The following RIF1 variants were observed in gnomAD, a reference collection of about 807,000 sequenced individuals.
RIF1 encodes telomere-associated protein RIF1.
In RIF1, 45 loss-of-function variants were observed where a neutral mutation model predicts 247.1. That is an observed-to-expected ratio of 0.18 (90% CI 0.14 to 0.23). The LOEUF (loss-of-function observed/expected upper bound fraction) is 0.23, where lower values mean the gene tolerates loss of function less well. Among genes scored for constraint, RIF1 ranks in the 10% least tolerant of loss-of-function variants. The pLI, the probability that RIF1 is intolerant of heterozygous loss-of-function variation, is 1.00. For missense variants in RIF1, 2,967 were observed against 2,862.5 expected (o/e 1.04, Z -0.83); for synonymous variants, 1,087 against 978.8 (o/e 1.11, Z -2.06).
At chr2:151,493,808 T>C in intron 9 of RIF1, 1 of 1,586,672 alleles carries the variant, frequency 6.3e-7, no homozygotes, top group South Asian at 1.2e-5. Flanking sequence ...GTTTCACTCT[T>C]TCCATCTCAG....
intron 7 of RIF1, 71 bp downstream of exon 7, chr2:151,420,450 G>A (rs2152158980): frequency 6.8e-7 from 1 of 1,462,144 alleles, no homozygotes; most frequent in East Asian, 2.4e-5. Flanking sequence ...TTAAAATTCA[G>A]TCTGGTGGCC....
chr2:151,515,033 CT>C, the RIF1 span: 1 of 690,136 alleles, frequency 1.4e-6, no homozygotes, highest in Non-Finnish European at 2.5e-6. Flanking sequence ...TGTATGGGCT[CT>C]TAATCATAGT....
the RIF1 span, among the ~76,000 whole-genome samples, chr2:151,526,459 A>C: frequency 1.3e-5 from 2 of 152,184 alleles, no homozygotes; most frequent in African/African-American, 4.8e-5. Flanking sequence ...TAACAATCAA[A>C]ATGGATCTCG....
At position 151,409,930 on chromosome 2, in the gene RIF1, C is replaced by T. The variant is rs762398600; in HGVS notation, c.-114C>T. On this transcript the variant is annotated 5_prime_UTR_variant, in exon 1 of 36. Transcript: ENST00000444746. ...CGCCATCTTGGTCTAGGAGGGAGCG[C>T]GCCGCACGCGTGAGTAAACAGCCGG... The T allele has an allele frequency of 3.6e-5, 25 of 700,756 alleles. No homozygotes were observed. The highest frequency in any genetic ancestry group is 1.6e-5 in the Non-Finnish European group (6 of 384,238). The allele number at this position is 700,756 out of a possible 1,614,324, so 43.4% of individuals were successfully genotyped here. A position where few individuals can be genotyped will look rare whatever the true frequency, so the allele number is the denominator to read the frequency against.
At position 151,465,120 on chromosome 2, in the gene RIF1, G is replaced by A; in HGVS notation, c.5600G>A (p.Gly1867Glu). ...ENFKTVGPCLGDSKNVSQESL... is the reference protein window; with the variant it reads ...ENFKTVGPCLEDSKNVSQESL... ...TTTAAAACTGTTGGCCCGTGTTTAG[G>A]AGACTCGAAAAATGTTTCACAGGAA... The change falls in exon 30 of 36, where the codon GGA becomes GAA. Residue 1867 changes from glycine (G) to glutamate (E), a missense_variant. By Grantham distance (98) the Gly-to-Glu change is moderately conservative. This residue lies in a region of RIF1 where 2,028 missense variants were observed against 1,825.6 expected (regional missense o/e 1.11). Coordinates refer to ENST00000444746, the MANE Select transcript of RIF1 (RefSeq NM_018151.5). 6.2e-7 allele frequency: 1 copy of A among 1,612,704 alleles called. No homozygotes were observed. The highest frequency in any genetic ancestry group is 8.5e-7 in the Non-Finnish European group (1 of 1,179,726).
chr2:151,530,639 T>C, the RIF1 span: 1 of 190,740 alleles, frequency 5.2e-6, no homozygotes, highest in Non-Finnish European at 1.1e-5. Flanking sequence ...TGGAGACCCA[T>C]CTGGGGAGAA....
rs1691401576 is a variant in RIF1, at chr2:151,437,266, C to T, written c.1398C>T (p.Ser466=). 1 of 1,613,210 alleles carries T rather than the reference C, an allele frequency of 6.2e-7. No individual in the cohort carries two copies. Among genetic ancestry groups the T allele is most frequent in the Non-Finnish European group, 8.5e-7 (1 of 1,179,198 alleles). ...AGCCATTGGAACATCCGTTAATCAG[C>T]AGCCCTTCCTTTTTTTCCAAACATG... ...SLEPLEHPLI[S]SPSFFSKHAN... The change falls in exon 13 of 36, where the codon AGC becomes AGT. Residue 466 remains serine, a synonymous_variant. Transcript: ENST00000444746.
At chr2:151,527,996 T>A in the RIF1 span, among the ~76,000 whole-genome samples, 1 of 152,216 alleles carries the variant, frequency 6.6e-6, no homozygotes, top group East Asian at 1.9e-4. Flanking sequence ...ACAAAACTAA[T>A]TAAATGAATT....
At chr2:151,444,355 G>C (rs1315086049) in intron 18 of RIF1, among the ~76,000 whole-genome samples, 1 of 152,170 alleles carries the variant, frequency 6.6e-6, no homozygotes, top group Non-Finnish European at 1.5e-5. Flanking sequence ...TGTCACCCAG[G>C]CTAGAGTACA....
the RIF1 span, chr2:151,524,238 G>A: frequency 7.8e-7 from 1 of 1,289,182 alleles, no homozygotes; most frequent in South Asian, 1.2e-5. Context: ...TTTCAATCTG[G>A]AAATCACTTC....
intron 10 of RIF1, among the ~76,000 whole-genome samples, chr2:151,495,702 T>C (rs1377977944): frequency 2.0e-5 from 3 of 151,256 alleles, no homozygotes; most frequent in Admixed American, 6.6e-5. Context: ...CGAAAACTGG[T>C]AAAACAAAAA....
Position 151,481,615 on chromosome 2 carries a change from TA to T in RIF1, c.*6546del. On this transcript the variant is annotated 3_prime_UTR_variant, in exon 36 of 36. Transcript: ENST00000444746. ...ACATTCACAAAGTATTTGTATTTGA[TA>T]AGTCTTAAAAATGATTTAAGTTGAA... 6.6e-6 allele frequency: 1 copy of T among 152,264 alleles called. No homozygotes were observed. The highest frequency in any genetic ancestry group is 1.5e-5 in the Non-Finnish European group (1 of 68,048). The allele number at this position is 152,264 out of a possible 1,614,324, so 9.4% of individuals were successfully genotyped here.
intron 10 of RIF1, chr2:151,497,550 A>G: frequency 6.6e-7 from 1 of 1,523,682 alleles, no homozygotes; most frequent in African/African-American, 1.4e-5. Context: ...AAGTAGGATT[A>G]ATACGTATTA....
intron 12 of RIF1, among the ~76,000 whole-genome samples, chr2:151,503,622 AT>A (rs3835058): frequency 0.64 from 96,955 of 151,936 alleles, 31,315 homozygotes; most frequent in East Asian, 0.77. Flanking sequence ...AATAGTAAAA[AT>A]TTTTACTACT....
chr2:151,449,874 C>T (rs1487952780), intron 20 of RIF1, among the ~76,000 whole-genome samples: 1 of 144,118 alleles, frequency 6.9e-6, no homozygotes, highest in Non-Finnish European at 1.5e-5. Context: ...CCGAGTTTCA[C>T]TCTTGTTGTC....
At chr2:151,437,738 CCT>C (rs1558967462) in intron 13 of RIF1, among the ~76,000 whole-genome samples, 1 of 152,110 alleles carries the variant, frequency 6.6e-6, no homozygotes. Context: ...TATAGTGCCA[CCT>C]ACTGGCCAGA....
At position 151,476,667 on chromosome 2, in the gene RIF1, A is replaced by G. The variant is rs2048945127; in HGVS notation, c.*1596A>G. The G allele has an allele frequency of 5.9e-5, 9 of 152,200 alleles. No individual in the cohort carries two copies. The highest frequency in any genetic ancestry group is 5.9e-4 in the Admixed American group (9 of 15,278). The allele number at this position is 152,200 out of a possible 1,614,324, so 9.4% of individuals were successfully genotyped here. A position where few individuals can be genotyped will look rare whatever the true frequency, so the allele number is the denominator to read the frequency against. ...TATACCAAGGATGGTTTTGTAAAGA[A>G]TTCTGGGATCATTGAATTAAGGATT... On this transcript the variant is annotated 3_prime_UTR_variant, in exon 36 of 36. Transcript: ENST00000444746.
intron 10 of RIF1, chr2:151,497,368 A>G: frequency 1.0e-6 from 1 of 982,706 alleles, no homozygotes; most frequent in Non-Finnish European, 1.2e-6. Context: ...GGTGTTATCC[A>G]CACAAACTGA....
Position 151,454,893 on chromosome 2 carries a change from A to G in RIF1, c.2345-2A>G. 6.4e-7 allele frequency: 1 copy of G among 1,551,168 alleles called. No individual in the cohort carries two copies. The highest frequency in any genetic ancestry group is 8.7e-7 in the Non-Finnish European group (1 of 1,152,232). On this transcript the variant is annotated splice_acceptor_variant, in intron 21 of 35. Transcript: ENST00000444746. LOFTEE classifies it high-confidence loss of function. ...TTTAATTAATTCAGTTTTTGTTTTT[A>G]GCACCACAGAGACCTTCAGATTGGT...
Sources: gnomAD v4.1 joint callset for allele counts (sites outside exome capture counted in the v4.1 genomes callset) on GRCh38, gnomAD v4.1.1 for gene constraint, gnomAD v4.1.1 regional missense constraint, MANE v1.5 for transcripts, NCBI Gene and HGNC (gene_info 2026-07-23, HGNC 2026-07-21) for gene names.